LRRC7: variants seen among roughly 807,000 people sequenced by gnomAD.
The protein encoded by LRRC7 is leucine-rich repeat-containing protein 7.
In LRRC7, 23 loss-of-function variants were observed where a neutral mutation model predicts 175.7. That is an observed-to-expected ratio of 0.13 (90% CI 0.09 to 0.19). LRRC7 has a LOEUF of 0.19. LRRC7 is among the 10% of genes least tolerant of loss of function. The pLI is 1.00. For missense variants in LRRC7, 1,354 were observed against 1,904.7 expected (o/e 0.71, Z 5.38); for synonymous variants, 685 against 680.9 (o/e 1.01, Z -0.09).
At chr1:69,822,236 T>C (rs1163216211) in intron 4 of LRRC7, among the ~76,000 whole-genome samples, 3 of 152,170 alleles carry the variant, frequency 2.0e-5, no homozygotes, top group African/African-American at 7.2e-5. Flanking sequence ...TGCTAAAGTT[T>C]GTGTTCCTTC....
At chr1:69,764,721 A>ATAGT (rs1671414257) in intron 3 of LRRC7, among the ~76,000 whole-genome samples, 1 of 113,164 alleles carries the variant, frequency 8.8e-6, no homozygotes, top group East Asian at 3.2e-4. Flanking sequence ...AGGTAGGTAG[A>ATAGT]TAGATAGACA....
chr1:69,843,286 A>G (rs1038259012), intron 7 of LRRC7, among the ~76,000 whole-genome samples: 5 of 152,052 alleles, frequency 3.3e-5, no homozygotes, highest in African/African-American at 1.2e-4. Context: ...TGTCAAATGG[A>G]TAATTTTAGT....
rs531556896 is a variant in LRRC7 at position 70,126,681 on chromosome 1, T to C, written c.*4794T>C. On this transcript the variant is annotated 3_prime_UTR_variant, in exon 27 of 27. Coordinates refer to ENST00000651989, the MANE Select transcript of LRRC7 (RefSeq NM_001370785.2). ...GCTGTGGACAAATAGATGTGCGCTA[T>C]GTATAGAAAGCATGTGGGTCACTAT... Among the ~76,000 whole-genome samples the C allele has an allele frequency of 6.6e-6, 1 of 152,354 alleles. No homozygotes were observed. Among genetic ancestry groups the C allele is most frequent in the East Asian group, 1.9e-4 (1 of 5,182 alleles).
chr1:69,725,222 G>A (rs1666816318), intron 2 of LRRC7, among the ~76,000 whole-genome samples: 1 of 152,188 alleles, frequency 6.6e-6, no homozygotes, highest in East Asian at 1.9e-4. Context: ...TCATCATAAA[G>A]GTCTTCATCC....
intron 1 of LRRC7, among the ~76,000 whole-genome samples, chr1:69,629,971 A>G (rs983488833): frequency 6.6e-6 from 1 of 152,124 alleles, no homozygotes; most frequent in Non-Finnish European, 1.5e-5. Flanking sequence ...TGTGAAATTT[A>G]TCAATTTCTT....
intron 3 of LRRC7, among the ~76,000 whole-genome samples, chr1:69,781,843 AAGGGAGAG>A (rs1313749065): frequency 1.1e-5 from 1 of 89,294 alleles, no homozygotes; most frequent in African/African-American, 4.8e-5. Flanking sequence ...GGAAGGAAGG[AAGGGAGAG>A]AAAGAAAGAG....
intron 4 of LRRC7, among the ~76,000 whole-genome samples, chr1:69,816,585 T>A (rs774396756): frequency 6.6e-6 from 1 of 152,222 alleles, no homozygotes; most frequent in Non-Finnish European, 1.5e-5. Context: ...TTTTTGACAG[T>A]GTCCTTGTTT....
rs540777987 is a variant in LRRC7, at chr1:69,701,767, T to C, written c.100+23289T>C. The stretch of plus-strand genomic sequence containing the variant: ...AAGATTCTCTGGTTTTATTAAATTA[T>C]AGAAAACTTAACTATTTAATCAGAG... On this transcript the variant is annotated intron_variant, in intron 2 of 26. Transcript: ENST00000651989. Among the ~76,000 whole-genome samples, 3 of 152,330 alleles carry C rather than the reference T, an allele frequency of 2.0e-5. No individual in the cohort carries two copies. The East Asian group carries it at 5.8e-4, about 29-fold the overall frequency.
At chr1:70,095,957 A>G (rs1333958408) in intron 25 of LRRC7, among the ~76,000 whole-genome samples, 3 of 151,910 alleles carry the variant, frequency 2.0e-5, no homozygotes, top group Non-Finnish European at 4.4e-5. Context: ...ACATATATGC[A>G]TGTTGTTTTT....
At chr1:69,978,140 A>C (rs1162496892) in intron 8 of LRRC7, among the ~76,000 whole-genome samples, 1 of 152,174 alleles carries the variant, frequency 6.6e-6, no homozygotes, top group Non-Finnish European at 1.5e-5. Flanking sequence ...TCTACTAAAA[A>C]TACAATAATT....
chr1:69,784,104 A>T (rs1017966307), intron 3 of LRRC7, among the ~76,000 whole-genome samples: 4 of 152,228 alleles, frequency 2.6e-5, no homozygotes, highest in Non-Finnish European at 5.9e-5. Flanking sequence ...ACTATTAATA[A>T]CATAATATCA....
chr1:69,962,300 G>C (rs1239812323), intron 8 of LRRC7, among the ~76,000 whole-genome samples: 1 of 152,134 alleles, frequency 6.6e-6, no homozygotes, highest in Non-Finnish European at 1.5e-5. Context: ...ACACCAGTCA[G>C]AATGGCTATT....
At chr1:69,870,618 T>C (rs944275963) in intron 7 of LRRC7, among the ~76,000 whole-genome samples, 2 of 152,164 alleles carry the variant, frequency 1.3e-5, no homozygotes, top group Non-Finnish European at 2.9e-5. Context: ...TTTTAATAAA[T>C]GTATACATGC....
In LRRC7 at chr1:69,622,457, T is replaced by C. The variant is rs138638984; in HGVS notation, c.2+53816T>C. ...AAGAGTCTGGAGATAATTTATTATTTTGGCCCTACCATCTCTGATATGGAC... is the reference window on the plus strand; with the variant it reads ...AAGAGTCTGGAGATAATTTATTATTCTGGCCCTACCATCTCTGATATGGAC... On this transcript the variant is annotated intron_variant, in intron 1 of 26. Coordinates refer to ENST00000651989, the MANE Select transcript of LRRC7 (RefSeq NM_001370785.2). 6.2e-3 allele frequency among the ~76,000 whole-genome samples: 948 copies of C among 152,318 alleles called. 10 individuals carry two copies. Among genetic ancestry groups the C allele is most frequent in the African/African-American group, 0.021 (889 of 41,560 alleles).
chr1:69,664,706 C>A (rs771148445), intron 1 of LRRC7, among the ~76,000 whole-genome samples: 2 of 152,108 alleles, frequency 1.3e-5, no homozygotes, highest in Non-Finnish European at 2.9e-5. Flanking sequence ...GGTTATTAAT[C>A]CCTTGTCAGA....
At chr1:69,868,159 G>GT (rs1296056944) in intron 7 of LRRC7, among the ~76,000 whole-genome samples, 2 of 151,990 alleles carry the variant, frequency 1.3e-5, no homozygotes, top group Admixed American at 1.3e-4. Flanking sequence ...CATTAAAATT[G>GT]TTTTTTAATG....
intron 2 of LRRC7, among the ~76,000 whole-genome samples, chr1:69,701,403 C>A (rs375599989): frequency 6.6e-6 from 1 of 152,156 alleles, no homozygotes; most frequent in African/African-American, 2.4e-5. Context: ...GTGTATCACA[C>A]ACACTGAGCC....
At chr1:69,600,866 C>T (rs550348433) in intron 1 of LRRC7, among the ~76,000 whole-genome samples, 4 of 116,676 alleles carry the variant, frequency 3.4e-5, no homozygotes, top group Non-Finnish European at 6.5e-5. Flanking sequence ...GGCTGGAGTG[C>T]AATCGCACGC....
chr1:69,618,721 G>A (rs926344484), intron 1 of LRRC7, among the ~76,000 whole-genome samples: 2 of 152,066 alleles, frequency 1.3e-5, no homozygotes, highest in Non-Finnish European at 2.9e-5. Flanking sequence ...ACTTAAAACA[G>A]CAATAACAAC....
Sources: allele counts gnomAD v4.1 joint callset (sites outside exome capture counted in the v4.1 genomes callset), GRCh38; gene constraint gnomAD v4.1.1; transcripts MANE v1.5; gene names NCBI Gene and HGNC (gene_info 2026-07-23, HGNC 2026-07-21).